IREB2: variants seen among roughly 807,000 people sequenced by gnomAD.
The protein encoded by IREB2 is iron-responsive element-binding protein 2.
Under a neutral mutation model 118.8 loss-of-function variants are expected in IREB2, and 39 were observed. The ratio of observed to expected loss-of-function variants is 0.33; its 90% CI spans 0.25 to 0.43. IREB2 has a LOEUF of 0.43. Among genes scored for constraint, IREB2 ranks in the 20% least tolerant of loss-of-function variants. The pLI, the probability that IREB2 is intolerant of heterozygous loss-of-function variation, is 1.00. For missense variants in IREB2, 900 were observed against 1,147.3 expected (o/e 0.78, Z 3.11); for synonymous variants, 372 against 392.2 (o/e 0.95, Z 0.61).
At chr15:78,457,990 A>G (rs2051133644) in intron 2 of IREB2, among the ~76,000 whole-genome samples, 2 of 152,232 alleles carry the variant, frequency 1.3e-5, no homozygotes, top group South Asian at 2.1e-4. Flanking sequence ...AGTGCCAACT[A>G]TTTATTGTAA....
chr15:78,501,263 G>A lies in IREB2; in HGVS notation c.*3120G>A, dbSNP rs979176360. On this transcript the variant is annotated 3_prime_UTR_variant, in exon 22 of 22. Transcript: ENST00000258886. ...ACTTAAGTAACAAAGTAATCACTTT[G>A]TCTATCACTAAGTAATAGACAAAAA... The A allele has an allele frequency of 6.6e-6, 1 of 152,428 alleles. No homozygotes were observed. Among genetic ancestry groups the A allele is most frequent in the Non-Finnish European group, 1.5e-5 (1 of 68,004 alleles). The allele number at this position is 152,428 out of a possible 1,614,324, so 9.4% of individuals were successfully genotyped here. A position where few individuals can be genotyped will look rare whatever the true frequency, so the allele number is the denominator to read the frequency against.
At chr15:78,458,584 G>T (rs1000654653) in intron 2 of IREB2, among the ~76,000 whole-genome samples, 1 of 152,054 alleles carries the variant, frequency 6.6e-6, no homozygotes, top group Admixed American at 6.5e-5. Flanking sequence ...TGGTCATCAT[G>T]CTTTCTCAGA....
rs755047367 is a variant in IREB2 at position 78,490,664 on chromosome 15, T to G, written c.2227T>G (p.Leu743Val). 6.2e-7 allele frequency: 1 copy of G among 1,614,136 alleles called. No homozygotes were observed. Among genetic ancestry groups the G allele is most frequent in the Non-Finnish European group, 8.5e-7 (1 of 1,179,984 alleles). ...ALQAIENAHV[L>V]LYLGDSVTTD... is the part of the protein sequence containing the mutation. ...CCAGGCTATTGAAAATGCCCATGTC[T>G]TATTATATTTGGGAGACTCTGTCAC... Residue 743 changes from leucine to valine, a missense_variant, in exon 18 of 22, where the codon TTA becomes GTA. By Grantham distance (32) the Leu-to-Val change is conservative. Transcript: ENST00000258886.
rs371518307 is a variant in IREB2, at chr15:78,494,020, A to G, written c.2436A>G (p.Pro812=). 1.4e-5 allele frequency: 23 copies of G among 1,614,174 alleles called. No individual in the cohort carries two copies. The African/African-American group carries it at 2.9e-4, about 21-fold the overall frequency. Residue 812 remains proline (P), a synonymous_variant, in exon 19 of 22, where the codon CCA becomes CCG. Coordinates refer to ENST00000258886, the MANE Select transcript of IREB2 (RefSeq NM_004136.4). ...TTTTTAATAAGTTTATTGGAAAACC[A>G]GCTCCTAAAACAATTCATTTTCCAT... ...IKLFNKFIGK[P]APKTIHFPSG... is the part of the protein sequence containing the mutation.
Position 78,438,262 on chromosome 15 carries a change from C to T in IREB2, c.-76C>T, listed in dbSNP as rs796111080. On this transcript the variant is annotated 5_prime_UTR_variant, in exon 1 of 22. Coordinates refer to ENST00000258886, the MANE Select transcript of IREB2 (RefSeq NM_004136.4). Reference sequence around the variant, plus strand: ...CCCTTGCCAGTCCGCCTGTCTTCCTCCCCGTCTTCCCTGCCCGGCCTCCCC... The same window carrying T: ...CCCTTGCCAGTCCGCCTGTCTTCCTTCCCGTCTTCCCTGCCCGGCCTCCCC... 3 of 1,162,176 alleles carry T rather than the reference C, an allele frequency of 2.6e-6. No homozygotes were observed. Among genetic ancestry groups the T allele is most frequent in the Non-Finnish European group, 3.8e-6 (3 of 790,238 alleles). 72.0% of individuals were successfully genotyped at this position (1,162,176 alleles called of 1,614,324 possible). A position where few individuals can be genotyped will look rare whatever the true frequency, so the allele number is the denominator to read the frequency against.
intron 5 of IREB2, among the ~76,000 whole-genome samples, chr15:78,467,008 G>A (rs902250322): frequency 6.6e-6 from 1 of 151,870 alleles, no homozygotes; most frequent in East Asian, 1.9e-4. Context: ...CTTGAGCTCA[G>A]GAGTTTGAGA....
chr15:78,449,940 C>T (rs1434850184), intron 2 of IREB2, among the ~76,000 whole-genome samples: 1 of 152,184 alleles, frequency 6.6e-6, no homozygotes. Context: ...ACCATCATCC[C>T]AGTTCCTCCA....
At chr15:78,464,803 A>G (rs767233054) in intron 3 of IREB2, among the ~76,000 whole-genome samples, 1 of 152,228 alleles carries the variant, frequency 6.6e-6, no homozygotes, top group African/African-American at 2.4e-5. Flanking sequence ...ATTGGTGTCT[A>G]GCACACTGAA....
intron 2 of IREB2, among the ~76,000 whole-genome samples, chr15:78,454,757 G>A (rs938699991): frequency 1.3e-5 from 2 of 152,208 alleles, no homozygotes; most frequent in East Asian, 3.8e-4. Context: ...GCAGTGGCAT[G>A]ATCACGGCTC....
intron 2 of IREB2, among the ~76,000 whole-genome samples, chr15:78,448,488 T>G (rs2050969200): frequency 6.6e-6 from 1 of 151,846 alleles, no homozygotes; most frequent in African/African-American, 2.4e-5. Flanking sequence ...AGGTCAGAAT[T>G]TATTTATTTA....
intron 2 of IREB2, among the ~76,000 whole-genome samples, chr15:78,449,308 G>A (rs1005970663): frequency 1.3e-5 from 2 of 152,104 alleles, no homozygotes; most frequent in Admixed American, 6.6e-5. Flanking sequence ...ACTAATTACC[G>A]TTACCTACTA....
chr15:78,471,929 G>A lies in IREB2; in HGVS notation c.883+5G>A, dbSNP rs756065155. 1.3e-6 allele frequency: 2 copies of A among 1,545,630 alleles called. No individual in the cohort carries two copies. The highest frequency in any genetic ancestry group is 1.7e-6 in the Non-Finnish European group (2 of 1,143,384). On this transcript the variant is annotated splice_donor_5th_base_variant and intron_variant, in intron 7 of 21. Coordinates refer to ENST00000258886, the MANE Select transcript of IREB2 (RefSeq NM_004136.4). ...GTTTAGGGATTCTGGGGTGGGGTAA[G>A]TAAATGACTAAATATATTTCATTTC...
chr15:78,438,250 G>A lies in IREB2; in HGVS notation c.-88G>A. On this transcript the variant is annotated 5_prime_UTR_variant, in exon 1 of 22. Coordinates refer to ENST00000258886, the MANE Select transcript of IREB2 (RefSeq NM_004136.4). ...TCCTTCTTTCCTCCCTTGCCAGTCC[G>A]CCTGTCTTCCTCCCCGTCTTCCCTG... is the stretch of plus-strand genomic sequence containing the variant. 2 of 1,035,820 alleles carry A rather than the reference G, an allele frequency of 1.9e-6. No homozygotes were observed. The highest frequency in any genetic ancestry group is 3.0e-6 in the Non-Finnish European group (2 of 675,914). 64.2% of individuals were successfully genotyped at this position (1,035,820 alleles called of 1,614,324 possible).
At position 78,490,762 on chromosome 15, in the gene IREB2, G is replaced by A; in HGVS notation, c.2324+1G>A. 6.2e-7 allele frequency: 1 copy of A among 1,613,832 alleles called. No individual in the cohort carries two copies. Among genetic ancestry groups the A allele is most frequent in the Non-Finnish European group, 8.5e-7 (1 of 1,179,858 alleles). ...CCGCTAAGTATTTGACAAACAGAGG[G>A]TATGTGTACATGGCTTTAGAGTGTT... On this transcript the variant is annotated splice_donor_variant, in intron 18 of 21. Coordinates refer to ENST00000258886, the MANE Select transcript of IREB2 (RefSeq NM_004136.4). LOFTEE classifies it high-confidence loss of function.
chr15:78,466,297 G>A lies in IREB2; in HGVS notation c.437G>A (p.Gly146Glu), dbSNP rs1405338733. Residue 146 changes from glycine to glutamate, a missense_variant, in exon 5 of 22, where the codon GGA (glycine) becomes GAA (glutamate). Physicochemically the swap from Gly to Glu is moderately conservative, Grantham distance 98. Transcript: ENST00000258886. ...KCAIQNAPNP[G>E]GGDLQKAGKL... is the part of the protein sequence containing the mutation. ...GCAATACAGAATGCACCAAATCCTG[G>A]AGGTGGTGACCTGCAGAAAGCAGGA... The A allele has an allele frequency of 1.2e-6, 2 of 1,613,488 alleles. No individual in the cohort carries two copies. Among genetic ancestry groups the A allele is most frequent in the Admixed American group, 3.3e-5 (2 of 59,984 alleles).
At chr15:78,444,528 C>T (rs759513181) in intron 2 of IREB2, among the ~76,000 whole-genome samples, 6 of 152,018 alleles carry the variant, frequency 3.9e-5, no homozygotes, top group Non-Finnish European at 7.4e-5. Flanking sequence ...AACCACAGTA[C>T]TGCTTAGTCC....
At chr15:78,448,181 G>A (rs369122390) in intron 2 of IREB2, among the ~76,000 whole-genome samples, 1 of 152,182 alleles carries the variant, frequency 6.6e-6, no homozygotes, top group Admixed American at 6.5e-5. Flanking sequence ...GTCTTGCTCT[G>A]TCATCCCAGC....
At chr15:78,471,515 G>T (rs1566977796) in intron 6 of IREB2, among the ~76,000 whole-genome samples, 1 of 152,118 alleles carries the variant, frequency 6.6e-6, no homozygotes, top group Non-Finnish European at 1.5e-5. Flanking sequence ...ACTGCCATTT[G>T]TCTGGACTTT....
rs183890479 is a variant in IREB2, at chr15:78,446,791, A to G, written c.106+6910A>G. 1.6e-3 allele frequency among the ~76,000 whole-genome samples: 245 copies of G among 152,164 alleles called. 4 individuals are homozygous for G. The highest frequency in any genetic ancestry group is 0.014 in the Admixed American group (209 of 15,280). ...GGCTTTTGCGTCGCTGCTGTAGCCAAGGAGGCCACAGGCCACCGAGAACTG... is the reference window on the plus strand; with the variant it reads ...GGCTTTTGCGTCGCTGCTGTAGCCAGGGAGGCCACAGGCCACCGAGAACTG... On this transcript the variant is annotated intron_variant, in intron 2 of 21. Coordinates refer to ENST00000258886, the MANE Select transcript of IREB2 (RefSeq NM_004136.4).
Sources: allele counts gnomAD v4.1 joint callset (sites outside exome capture counted in the v4.1 genomes callset), GRCh38; gene constraint gnomAD v4.1.1; transcripts MANE v1.5; gene names NCBI Gene and HGNC (gene_info 2026-07-23, HGNC 2026-07-21).